LHFPL2: variants seen among roughly 807,000 people sequenced by gnomAD.
The protein encoded by LHFPL2 is LHFPL tetraspan subfamily member 2 protein.
In LHFPL2, 7 loss-of-function variants were observed where a neutral mutation model predicts 17.5. That is an observed-to-expected ratio of 0.40 (90% CI 0.23 to 0.75). The LOEUF is 0.75. Among genes scored for constraint, LHFPL2 ranks in the 30% least tolerant of loss-of-function variants. LHFPL2 has a pLI of 0.37. For missense variants in LHFPL2, 241 were observed against 294.8 expected (o/e 0.82, Z 1.34); for synonymous variants, 134 against 116.2 (o/e 1.15, Z -0.99).
At chr5:78,644,845 T>A (rs1305890118) in intron 1 of LHFPL2, 1 of 197,610 alleles carries the variant, frequency 5.1e-6, no homozygotes, top group Non-Finnish European at 1.1e-5. Context: ...CCTTTGCCCA[T>A]GTTTAGTTCT....
intron 2 of LHFPL2, among the ~76,000 whole-genome samples, chr5:78,622,843 A>G (rs893063774): frequency 1.3e-5 from 2 of 152,210 alleles, no homozygotes; most frequent in Non-Finnish European, 2.9e-5. Flanking sequence ...AGAAAAGACC[A>G]GAAGATACAG....
rs1377077291 is a variant in LHFPL2 at position 78,609,217 on chromosome 5, A to G, written c.-245+23047T>C. On this transcript the variant is annotated intron_variant, in intron 2 of 4. Coordinates refer to ENST00000380345, the MANE Select transcript of LHFPL2 (RefSeq NM_005779.3). ...AGTGGTTCATGCCTATAATCCCAACAGTTTGGGCAGATCACCTGAGGTCAG... is the reference window on the plus strand; with the variant it reads ...AGTGGTTCATGCCTATAATCCCAACGGTTTGGGCAGATCACCTGAGGTCAG... Among the ~76,000 whole-genome samples the G allele has an allele frequency of 4.6e-5, 7 of 152,124 alleles. No homozygotes were observed. The East Asian group carries it at 1.2e-3, about 25-fold the overall frequency.
chr5:78,615,913 A>T (rs187639832), intron 2 of LHFPL2, among the ~76,000 whole-genome samples: 1 of 152,000 alleles, frequency 6.6e-6, no homozygotes, highest in East Asian at 1.9e-4. Context: ...CACCCAGATG[A>T]CTCCACAGAA....
chr5:78,591,915 C>A (rs13183553), intron 2 of LHFPL2, among the ~76,000 whole-genome samples: 56,601 of 152,070 alleles, frequency 0.37, 11,554 homozygotes, highest in Middle Eastern at 0.48. Flanking sequence ...TTTCTGGGCA[C>A]ACACAACTGG....
At chr5:78,611,194 A>G (rs1744411871) in intron 2 of LHFPL2, among the ~76,000 whole-genome samples, 1 of 152,252 alleles carries the variant, frequency 6.6e-6, no homozygotes, top group African/African-American at 2.4e-5. Context: ...GAGAGCTGAC[A>G]GCAGGCTGAG....
Position 78,640,750 on chromosome 5 carries a change from T to C in LHFPL2, c.-350+7749A>G, listed in dbSNP as rs545340031. ...TCCAACCCTGTTAAGCAGGCAAGGA[T>C]GAGGTGAGGTGTTATTGCTGGTTAC... is the stretch of plus-strand genomic sequence containing the variant. On this transcript the variant is annotated intron_variant, in intron 1 of 4. Coordinates refer to ENST00000380345, the MANE Select transcript of LHFPL2 (RefSeq NM_005779.3). Among the ~76,000 whole-genome samples the C allele has an allele frequency of 2.6e-5, 4 of 152,300 alleles. No individual in the cohort carries two copies. The South Asian group carries it at 8.3e-4, about 32-fold the overall frequency.
intron 3 of LHFPL2, among the ~76,000 whole-genome samples, chr5:78,552,963 A>G (rs1292918173): frequency 6.6e-6 from 1 of 152,210 alleles, no homozygotes; most frequent in Non-Finnish European, 1.5e-5. Flanking sequence ...TGCAGGCTCC[A>G]TTAATCATCC....
chr5:78,560,990 T>C (rs1756711051), intron 3 of LHFPL2, among the ~76,000 whole-genome samples: 1 of 152,204 alleles, frequency 6.6e-6, no homozygotes, highest in South Asian at 2.1e-4. Context: ...ATAAATTTCA[T>C]ATAACTCAAA....
At chr5:78,518,169 G>T (rs1462415237) in intron 3 of LHFPL2, among the ~76,000 whole-genome samples, 2 of 152,218 alleles carry the variant, frequency 1.3e-5, no homozygotes, top group Non-Finnish European at 2.9e-5. Flanking sequence ...AATTTTAAAT[G>T]AAAGGTGTTT....
chr5:78,580,667 G>A (rs933965692), intron 2 of LHFPL2, among the ~76,000 whole-genome samples: 18 of 152,070 alleles, frequency 1.2e-4, no homozygotes, highest in African/African-American at 3.1e-4. Context: ...GATATGCGGC[G>A]TTCTTTCTGA....
At chr5:78,563,647 G>A (rs1169438603) in intron 3 of LHFPL2, among the ~76,000 whole-genome samples, 1 of 150,350 alleles carries the variant, frequency 6.7e-6, no homozygotes, top group Non-Finnish European at 1.5e-5. Flanking sequence ...GTTACAGTGA[G>A]CTGAGATCAC....
chr5:78,532,897 C>T (rs1561325560), intron 3 of LHFPL2, among the ~76,000 whole-genome samples: 1 of 152,206 alleles, frequency 6.6e-6, no homozygotes, highest in Non-Finnish European at 1.5e-5. Context: ...CAATGGTGAG[C>T]CAGGCTGACA....
chr5:78,554,493 C>T (rs1289958509), intron 3 of LHFPL2, among the ~76,000 whole-genome samples: 1 of 152,216 alleles, frequency 6.6e-6, no homozygotes, highest in Non-Finnish European at 1.5e-5. Context: ...ACCCCTATTC[C>T]CTTAACAACG....
intron 2 of LHFPL2, among the ~76,000 whole-genome samples, chr5:78,612,646 A>G (rs72760996): frequency 0.031 from 4,791 of 152,308 alleles, 199 homozygotes; most frequent in Admixed American, 0.11. Context: ...CTACCTACCC[A>G]TGGCACACTT....
intron 2 of LHFPL2, among the ~76,000 whole-genome samples, chr5:78,621,674 G>T (rs543112430): frequency 6.6e-6 from 1 of 151,960 alleles, no homozygotes; most frequent in South Asian, 2.1e-4. Context: ...CTCTTAAAAC[G>T]TGGTTTCAAT....
chr5:78,630,876 G>A (rs942344937), intron 2 of LHFPL2, among the ~76,000 whole-genome samples: 1 of 152,186 alleles, frequency 6.6e-6, no homozygotes, highest in Non-Finnish European at 1.5e-5. Flanking sequence ...CTAGATTTAA[G>A]TGCCACCCCA....
rs1754326244 is a variant in LHFPL2 at position 78,488,527 on chromosome 5, T to C, written c.*370A>G. Reference sequence around the variant, plus strand: ...GGCAGAGATGCTCACAAGCAAGCAGTGTTGGAGCAGAAACAGCCTGCAGAT... The same window carrying C: ...GGCAGAGATGCTCACAAGCAAGCAGCGTTGGAGCAGAAACAGCCTGCAGAT... On this transcript the variant is annotated 3_prime_UTR_variant, in exon 5 of 5. Transcript: ENST00000380345. 2 of 259,744 alleles carry C rather than the reference T, an allele frequency of 7.7e-6. No homozygotes were observed. The allele number at this position is 259,744 out of a possible 1,614,324, so 16.1% of individuals were successfully genotyped here. A position where few individuals can be genotyped will look rare whatever the true frequency, so the allele number is the denominator to read the frequency against.
At chr5:78,624,194 C>G (rs1187994223) in intron 2 of LHFPL2, among the ~76,000 whole-genome samples, 2 of 152,220 alleles carry the variant, frequency 1.3e-5, no homozygotes, top group South Asian at 2.1e-4. Flanking sequence ...CCAACTGATT[C>G]TTTCTGTAGT....
chr5:78,556,978 C>T lies in LHFPL2; in HGVS notation c.-186+7835G>A, dbSNP rs145848481. ...CTGGCAATCCTTTTTTTTTTTTATA[C>T]TTTAAGTTCTAGGGTACATGTGCAC... is the stretch of plus-strand genomic sequence containing the variant. On this transcript the variant is annotated intron_variant, in intron 3 of 4. Coordinates refer to ENST00000380345, the MANE Select transcript of LHFPL2 (RefSeq NM_005779.3). Among the ~76,000 whole-genome samples, 336 of 147,080 alleles carry T rather than the reference C, an allele frequency of 2.3e-3. 2 individuals are homozygous for T. Among genetic ancestry groups the T allele is most frequent in the African/African-American group, 7.7e-3 (312 of 40,538 alleles).
Sources: allele counts gnomAD v4.1 joint callset (sites outside exome capture counted in the v4.1 genomes callset), GRCh38; gene constraint gnomAD v4.1.1; transcripts MANE v1.5; gene names NCBI Gene and HGNC (gene_info 2026-07-23, HGNC 2026-07-21).